ERICH6B: variants seen among roughly 807,000 people sequenced by gnomAD.
ERICH6B encodes the protein glutamate rich 6B.
ERICH6B carries 69 observed loss-of-function variants against 80.0 expected under a neutral mutation model. The observed-to-expected ratio is 0.86, with a 90% CI of 0.71 to 1.05. The LOEUF is 1.05. Ranked by LOEUF, ERICH6B falls within the 50% of genes least tolerant of loss-of-function variation. The pLI is 0.00. For missense variants in ERICH6B, 754 were observed against 796.1 expected (o/e 0.95, Z 0.64); for synonymous variants, 283 against 291.9 (o/e 0.97, Z 0.31).
intron 4 of ERICH6B, among the ~76,000 whole-genome samples, chr13:45,587,907 T>C (rs1277568246): frequency 2.0e-5 from 3 of 152,204 alleles, no homozygotes; most frequent in East Asian, 1.9e-4. Context: ...TCATGTCAAC[T>C]GGCCCAATTG....
chr13:45,593,678 G>A lies in ERICH6B; in HGVS notation c.637+2691C>T, dbSNP rs573757328. On this transcript the variant is annotated intron_variant, in intron 3 of 14. Transcript: ENST00000298738. ...AAGCTCCTGAGAGAAAGGAAAATGT[G>A]CTCTTCATGACAGACTCCTACCTGC... Among the ~76,000 whole-genome samples, 13 of 152,256 alleles carry A rather than the reference G, an allele frequency of 8.5e-5. No homozygotes were observed. In the South Asian group the frequency reaches 2.5e-3, roughly 29 times the overall value.
intron 14 of ERICH6B, among the ~76,000 whole-genome samples, chr13:45,543,044 A>G (rs1168706577): frequency 6.6e-6 from 1 of 152,182 alleles, no homozygotes; most frequent in Admixed American, 6.5e-5. Flanking sequence ...CCCAGGGGAC[A>G]TGTCCATCTG....
At chr13:45,586,636 C>A (rs930138952) in intron 5 of ERICH6B, among the ~76,000 whole-genome samples, 6 of 151,916 alleles carry the variant, frequency 3.9e-5, no homozygotes, top group South Asian at 4.2e-4. Flanking sequence ...GGGCCCATGT[C>A]CCATTTTCCA....
intron 7 of ERICH6B, among the ~76,000 whole-genome samples, chr13:45,579,190 T>C (rs1189378449): frequency 6.6e-6 from 1 of 152,216 alleles, no homozygotes; most frequent in African/African-American, 2.4e-5. Flanking sequence ...AGAAAACTGT[T>C]GATCAGTAGT....
In ERICH6B at chr13:45,565,929, C is replaced by T. The variant is rs185860373; in HGVS notation, c.1188-2141G>A. On this transcript the variant is annotated intron_variant, in intron 9 of 14. Coordinates refer to ENST00000298738, the MANE Select transcript of ERICH6B (RefSeq NM_182542.3). ...GGCCTCAGAAGAAGACAGGAAAATA[C>T]GGGAAAGTTTGGAACTTCCTAGAGA... Among the ~76,000 whole-genome samples the T allele has an allele frequency of 5.3e-3, 810 of 152,256 alleles. 9 individuals are homozygous for T. Among genetic ancestry groups the T allele is most frequent in the Non-Finnish European group, 4.7e-3 (322 of 68,018 alleles).
chr13:45,563,103 G>T (rs1044894894), intron 10 of ERICH6B, among the ~76,000 whole-genome samples: 10 of 152,096 alleles, frequency 6.6e-5, no homozygotes, highest in African/African-American at 1.9e-4. Flanking sequence ...CATGAAGCTG[G>T]TAACTTCCAT....
intron 13 of ERICH6B, among the ~76,000 whole-genome samples, chr13:45,548,915 G>A (rs1307123457): frequency 6.6e-6 from 1 of 152,222 alleles, no homozygotes; most frequent in Non-Finnish European, 1.5e-5. Flanking sequence ...AAAGTCTGCA[G>A]AATGAAAATC....
intron 4 of ERICH6B, among the ~76,000 whole-genome samples, chr13:45,589,412 G>A (rs750611591): frequency 2.0e-5 from 3 of 152,194 alleles, no homozygotes; most frequent in African/African-American, 2.4e-5. Context: ...TTTTCTACCT[G>A]GCGGTTCGTG....
intron 2 of ERICH6B, among the ~76,000 whole-genome samples, chr13:45,604,894 G>T (rs765925990): frequency 2.1e-4 from 32 of 152,242 alleles, no homozygotes; most frequent in Non-Finnish European, 3.8e-4. Flanking sequence ...CACTGTGCTG[G>T]TTTCGAGACC....
intron 4 of ERICH6B, among the ~76,000 whole-genome samples, chr13:45,589,500 C>T (rs1372980405): frequency 1.3e-5 from 2 of 152,158 alleles, no homozygotes; most frequent in African/African-American, 4.8e-5. Context: ...TTCCGCCTCC[C>T]GCTGGGTAAA....
chr13:45,554,960 C>G (rs1402210723), intron 11 of ERICH6B, among the ~76,000 whole-genome samples: 2 of 152,230 alleles, frequency 1.3e-5, no homozygotes, highest in Non-Finnish European at 2.9e-5. Context: ...CTCCTTGCCA[C>G]ACCTCATGGG....
At chr13:45,562,336 C>T (rs975353795) in intron 10 of ERICH6B, among the ~76,000 whole-genome samples, 7 of 152,250 alleles carry the variant, frequency 4.6e-5, no homozygotes, top group Non-Finnish European at 1.0e-4. Flanking sequence ...CCACACCTGG[C>T]TGAGTTTTGT....
At chr13:45,567,079 T>G (rs936167554) in intron 9 of ERICH6B, among the ~76,000 whole-genome samples, 1 of 152,228 alleles carries the variant, frequency 6.6e-6, no homozygotes. Flanking sequence ...ACTGTCCTAT[T>G]GGATTTTGGA....
At chr13:45,610,905 T>C (rs76101695) in intron 1 of ERICH6B, among the ~76,000 whole-genome samples, 6,719 of 151,700 alleles carry the variant, frequency 0.044, 173 homozygotes, top group South Asian at 0.056. Flanking sequence ...AAAGATATTT[T>C]ACAGACTAGG....
intron 11 of ERICH6B, among the ~76,000 whole-genome samples, chr13:45,560,086 T>C (rs1232190352): frequency 4.6e-5 from 7 of 152,230 alleles, no homozygotes. Flanking sequence ...TTTAGGATTG[T>C]GATATTTTCC....
chr13:45,602,477 C>G (rs41382950), intron 2 of ERICH6B, among the ~76,000 whole-genome samples: 1,847 of 152,276 alleles, frequency 0.012, 33 homozygotes, highest in African/African-American at 0.041. Context: ...GGTTTGACTT[C>G]CACTCATCAC....
intron 8 of ERICH6B, among the ~76,000 whole-genome samples, chr13:45,572,463 A>G (rs1170985094): frequency 6.6e-6 from 1 of 152,200 alleles, no homozygotes; most frequent in Non-Finnish European, 1.5e-5. Flanking sequence ...CCTACGCCAT[A>G]TTGTTTCCCC....
chr13:45,573,060 T>C (rs560323119), intron 8 of ERICH6B, among the ~76,000 whole-genome samples: 4 of 152,244 alleles, frequency 2.6e-5, no homozygotes, highest in African/African-American at 7.2e-5. Flanking sequence ...AGGATGCAGA[T>C]AGCTCTGGTT....
intron 8 of ERICH6B, among the ~76,000 whole-genome samples, chr13:45,571,230 G>A (rs1875152561): frequency 1.3e-5 from 2 of 152,170 alleles, no homozygotes; most frequent in South Asian, 4.1e-4. Flanking sequence ...GGACCCTGGA[G>A]TAGCACTGCT....
Sources: gnomAD v4.1 joint callset for allele counts (sites outside exome capture counted in the v4.1 genomes callset) on GRCh38, gnomAD v4.1.1 for gene constraint, MANE v1.5 for transcripts, NCBI Gene and HGNC (gene_info 2026-07-23, HGNC 2026-07-21) for gene names.